Variants in ACOX3 observed in about 807,000 individuals in gnomAD.
The protein encoded by ACOX3 is peroxisomal acyl-coenzyme A oxidase 3.
In ACOX3, 73 loss-of-function variants were observed where a neutral mutation model predicts 81.5. That is an observed-to-expected ratio of 0.90 (90% CI 0.74 to 1.09). ACOX3 has a LOEUF of 1.09. Ranked by LOEUF, ACOX3 falls within the 50% of genes least tolerant of loss-of-function variation. The probability of loss-of-function intolerance (pLI) is 0.00; values close to 1 mark genes in which losing one functional copy is unlikely to be tolerated. For missense variants in ACOX3, 947 were observed against 928.0 expected, an observed-to-expected ratio of 1.02 and a Z score of -0.27; for synonymous variants, 387 against 375.1, an observed-to-expected ratio of 1.03 and a Z score of -0.37.
chr4:8,424,641 G>C (rs1305534154), intron 1 of ACOX3, among the ~76,000 whole-genome samples: 2 of 152,230 alleles, frequency 1.3e-5, no homozygotes, highest in African/African-American at 2.4e-5. Context: ...ACAACCGTTT[G>C]CTTAAATATC....
chr4:8,399,415 A>G lies in ACOX3; in HGVS notation c.873+141T>C. The G allele has an allele frequency of 1.4e-6, 1 of 692,958 alleles. No homozygotes were observed. The highest frequency in any genetic ancestry group is 1.9e-5 in the South Asian group (1 of 52,546). 42.9% of individuals were successfully genotyped at this position (692,958 alleles called of 1,614,324 possible). On this transcript the variant is annotated intron_variant, in intron 8 of 17. Coordinates refer to ENST00000356406, the MANE Select transcript of ACOX3 (RefSeq NM_003501.3). The surrounding 1 kb of genome is among the most constrained non-coding windows in gnomAD (Gnocchi z 4.9). ...CTTCTAGCGGGAGCACCAGAACCCG[A>G]GCCAGGAGAAGTATGCCCCAGCGAC... is the stretch of plus-strand genomic sequence containing the variant.
In ACOX3 at chr4:8,430,949, T is replaced by C. The variant is rs1304574551; in HGVS notation, c.-15+9699A>G. 3.3e-5 allele frequency among the ~76,000 whole-genome samples: 5 copies of C among 152,032 alleles called. No individual in the cohort carries two copies. The highest frequency in any genetic ancestry group is 7.4e-5 in the Non-Finnish European group (5 of 68,006). On this transcript the variant is annotated intron_variant, in intron 1 of 17. Coordinates refer to ENST00000356406, the MANE Select transcript of ACOX3 (RefSeq NM_003501.3). This position sits in a 1 kb window ranked among gnomAD's most constrained non-coding sequence, Gnocchi z 5.2. ...GAGGGAAGCCATTTCTAGGTAGACATTGGAAGGCAGGCTAAAGGGGAAGAG... is the reference window on the plus strand; with the variant it reads ...GAGGGAAGCCATTTCTAGGTAGACACTGGAAGGCAGGCTAAAGGGGAAGAG...
At chr4:8,412,327 C>T (rs570607501) in intron 5 of ACOX3, among the ~76,000 whole-genome samples, 6 of 152,356 alleles carry the variant, frequency 3.9e-5, no homozygotes, top group South Asian at 2.1e-4. Context: ...GCTACGGGTC[C>T]GCTTGAGTTC....
At position 8,368,491 on chromosome 4, in the gene ACOX3, C is replaced by T. The variant is rs1341260202; in HGVS notation, c.1984-1411G>A. 2.0e-5 allele frequency among the ~76,000 whole-genome samples: 3 copies of T among 152,204 alleles called. No individual in the cohort carries two copies. The highest frequency in any genetic ancestry group is 1.9e-4 in the East Asian group (1 of 5,190). On this transcript the variant is annotated intron_variant, in intron 17 of 17. Transcript: ENST00000356406. The surrounding 1 kb of genome is among the most constrained non-coding windows in gnomAD (Gnocchi z 5.9). Reference sequence around the variant, plus strand: ...GAGAAGAAACCCCTCTGCCTGCACCCGCTAAATGCACTTAGCAACCCCTCC... The same window carrying T: ...GAGAAGAAACCCCTCTGCCTGCACCTGCTAAATGCACTTAGCAACCCCTCC...
At position 8,416,386 on chromosome 4, in the gene ACOX3, G is replaced by GGAGCA. The variant is rs1560199897; in HGVS notation, c.131_135dup (p.Arg46CysfsTer34). Reference sequence around the variant, plus strand: ...ACAACCGCACGCCTCACCTTAAAGCGGAGCATGCCCTCCCCTTCCGTGAAC... The same window carrying GGAGCA: ...ACAACCGCACGCCTCACCTTAAAGCGGAGCAGAGCATGCCCTCCCCTTCCGTGAAC... On this transcript the variant is annotated frameshift_variant, in exon 2 of 18. Transcript: ENST00000356406. LOFTEE classifies it high-confidence loss of function. The surrounding 1 kb of genome is among the most constrained non-coding windows in gnomAD (Gnocchi z 4.2). 4 of 1,614,182 alleles carry GGAGCA rather than the reference G, an allele frequency of 2.5e-6. No homozygotes were observed. In the South Asian group the frequency reaches 4.4e-5, roughly 18 times the overall value.
intron 10 of ACOX3, chr4:8,392,999 T>G (rs544676201): frequency 4.6e-5 from 7 of 152,188 alleles, no homozygotes; most frequent in Non-Finnish European, 8.8e-5. Context: ...ACATGTTTTA[T>G]TGAGACTCCT....
chr4:8,379,237 T>C (rs1717342702), intron 14 of ACOX3, among the ~76,000 whole-genome samples: 1 of 152,198 alleles, frequency 6.6e-6, no homozygotes, highest in African/African-American at 2.4e-5. Context: ...GGCTGAGGCT[T>C]TCTTGGTATG....
Position 8,396,943 on chromosome 4 carries a change from T to C in ACOX3, c.1050A>G (p.Pro350=), listed in dbSNP as rs778370362. The change falls in exon 9 of 18, where the codon CCA becomes CCG. Residue 350 remains proline (P), a synonymous_variant. Coordinates refer to ENST00000356406, the MANE Select transcript of ACOX3 (RefSeq NM_003501.3). The stretch of plus-strand genomic sequence containing the variant: ...ATGCTTGAAAACCTCATACCTGCAT[T>C]GGATACTCAAGCACTGGTATTTCCT... ...EEEEIPVLEY[P]MQQWRLLPYL... 1.9e-5 allele frequency: 31 copies of C among 1,610,712 alleles called. 1 individual carries two copies. The highest frequency in any genetic ancestry group is 2.2e-5 in the Non-Finnish European group (26 of 1,178,934).
Position 8,440,661 on chromosome 4 carries a change from A to G in ACOX3, c.-28T>C, listed in dbSNP as rs943933630. On this transcript the variant is annotated 5_prime_UTR_variant, in exon 1 of 18. Coordinates refer to ENST00000356406, the MANE Select transcript of ACOX3 (RefSeq NM_003501.3). ...CAAATTCCTCACCCACACACTCCAC[A>G]GTTCAACCCCTGCCAGGGAAACCAA... 1 of 846,568 alleles carries G rather than the reference A, an allele frequency of 1.2e-6. No individual in the cohort carries two copies. The highest frequency in any genetic ancestry group is 2.2e-5 in the South Asian group (1 of 45,244). The allele number at this position is 846,568 out of a possible 1,614,324, so 52.4% of individuals were successfully genotyped here. A position where few individuals can be genotyped will look rare whatever the true frequency, so the allele number is the denominator to read the frequency against.
At chr4:8,417,278 C>A (rs551349161) in intron 1 of ACOX3, among the ~76,000 whole-genome samples, 2 of 152,334 alleles carry the variant, frequency 1.3e-5, no homozygotes, top group South Asian at 4.1e-4. Flanking sequence ...CTGTTTAAGG[C>A]CTAGAGGAAA....
At chr4:8,372,596 C>T (rs887263048) in intron 16 of ACOX3, among the ~76,000 whole-genome samples, 9 of 152,210 alleles carry the variant, frequency 5.9e-5, no homozygotes, top group Admixed American at 3.3e-4. Context: ...GTAAATGTGG[C>T]CACATACGTG....
At chr4:8,388,231 A>G (rs1210957871) in intron 13 of ACOX3, among the ~76,000 whole-genome samples, 1 of 152,174 alleles carries the variant, frequency 6.6e-6, no homozygotes, top group East Asian at 1.9e-4. Flanking sequence ...GCTCCACCTC[A>G]CCAGCCAGGA....
At chr4:8,408,900 GGGGT>G (rs1330530914) in intron 6 of ACOX3, among the ~76,000 whole-genome samples, 24 of 55,218 alleles carry the variant, frequency 4.3e-4, no homozygotes, top group Non-Finnish European at 7.6e-4. Context: ...CTGGGGGGGG[GGGGT>G]GGGGGGGGGG....
rs80289869 is a variant in ACOX3 at position 8,433,614 on chromosome 4, G to A, written c.-15+7034C>T. ...GGCTAGGGTGAGCCAGTGTGTCTGG[G>A]AGGATACGTCTCATTTGCCTTTTAC... On this transcript the variant is annotated intron_variant, in intron 1 of 17. Coordinates refer to ENST00000356406, the MANE Select transcript of ACOX3 (RefSeq NM_003501.3). Among the ~76,000 whole-genome samples the A allele has an allele frequency of 8.8e-3, 1,344 of 152,340 alleles. 22 individuals are homozygous for A. Among genetic ancestry groups the A allele is most frequent in the African/African-American group, 0.031 (1,277 of 41,572 alleles).
intron 14 of ACOX3, among the ~76,000 whole-genome samples, chr4:8,378,751 C>T (rs560495855): frequency 6.6e-6 from 1 of 152,336 alleles, no homozygotes; most frequent in East Asian, 1.9e-4. Context: ...TCTGTGCATG[C>T]CAGGCTTACA....
chr4:8,390,555 C>A (rs1054286605), intron 11 of ACOX3, among the ~76,000 whole-genome samples: 1 of 152,238 alleles, frequency 6.6e-6, no homozygotes, highest in African/African-American at 2.4e-5. Context: ...TCTTTTAACA[C>A]AGGAAATTTC....
At chr4:8,427,212 C>A (rs1180768777) in intron 1 of ACOX3, among the ~76,000 whole-genome samples, 1 of 152,222 alleles carries the variant, frequency 6.6e-6, no homozygotes, top group African/African-American at 2.4e-5. Flanking sequence ...ATCAGATCAT[C>A]TGTCGCCTGA....
chr4:8,396,739 G>GT (rs1238115725), intron 9 of ACOX3, among the ~76,000 whole-genome samples, 198 bp downstream of exon 9: 4 of 148,702 alleles, frequency 2.7e-5, no homozygotes, highest in African/African-American at 9.9e-5. Context: ...TGGCTACTTC[G>GT]TATCTACTCT....
chr4:8,427,189 T>A (rs1467559451), intron 1 of ACOX3, among the ~76,000 whole-genome samples: 3 of 151,976 alleles, frequency 2.0e-5, no homozygotes, highest in East Asian at 1.9e-4. Flanking sequence ...TAAAAACAGG[T>A]GGTAAAGAAA....
Sources: allele counts gnomAD v4.1 joint callset (sites outside exome capture counted in the v4.1 genomes callset), GRCh38; gene constraint gnomAD v4.1.1; non-coding constraint Gnocchi (gnomAD v3.1); transcripts MANE v1.5; gene names NCBI Gene and HGNC (gene_info 2026-07-23, HGNC 2026-07-21).